The following NEGR1 variants were observed in gnomAD, a reference collection of about 807,000 sequenced individuals.
NEGR1 encodes the protein neuronal growth regulator 1.
In NEGR1, 10 loss-of-function variants were observed where a neutral mutation model predicts 40.9. The observed-to-expected ratio is 0.24, with a 90% CI of 0.15 to 0.42. The LOEUF is 0.42. Among genes scored for constraint, NEGR1 ranks in the 10% least tolerant of loss-of-function variants. The pLI is 1.00. For synonymous variants in NEGR1, 185 were observed against 166.8 expected (o/e 1.11, Z -0.84); for missense variants, 352 against 438.9 (o/e 0.80, Z 1.77).
At chr1:71,883,287 C>A (rs1239927164) in intron 2 of NEGR1, among the ~76,000 whole-genome samples, 2 of 152,008 alleles carry the variant, frequency 1.3e-5, no homozygotes, top group Non-Finnish European at 2.9e-5. Context: ...AATAAAATGA[C>A]TTCAATAATT....
chr1:71,541,448 A>T (rs2101457564), intron 6 of NEGR1, among the ~76,000 whole-genome samples: 1 of 151,906 alleles, frequency 6.6e-6, no homozygotes. Context: ...AGGGTGGAAG[A>T]CAGATATCCC....
chr1:71,858,118 T>C (rs191069345), intron 2 of NEGR1, among the ~76,000 whole-genome samples: 58 of 152,232 alleles, frequency 3.8e-4, no homozygotes, highest in Non-Finnish European at 7.6e-4. Flanking sequence ...TTATCATCAC[T>C]GGTCACTCTC....
At chr1:71,701,162 G>A (rs1653678669) in intron 3 of NEGR1, among the ~76,000 whole-genome samples, 1 of 152,034 alleles carries the variant, frequency 6.6e-6, no homozygotes, top group South Asian at 2.1e-4. Flanking sequence ...TAGCCACTAA[G>A]TTTGTGGTAA....
chr1:71,480,159 A>G (rs969765782), intron 6 of NEGR1, among the ~76,000 whole-genome samples: 1 of 151,952 alleles, frequency 6.6e-6, no homozygotes, highest in Non-Finnish European at 1.5e-5. Context: ...AATAGCCAAT[A>G]TCTACTGAAT....
intron 6 of NEGR1, among the ~76,000 whole-genome samples, chr1:71,588,934 C>A (rs1383029552): frequency 6.6e-6 from 1 of 152,088 alleles, no homozygotes; most frequent in Admixed American, 6.6e-5. Context: ...CTAATCAGAC[C>A]AGCAGCTAGA....
At chr1:71,735,958 C>A (rs796931860) in intron 3 of NEGR1, among the ~76,000 whole-genome samples, 1 of 151,792 alleles carries the variant, frequency 6.6e-6, no homozygotes, top group African/African-American at 2.4e-5. Context: ...AAGTCCTTAC[C>A]TTTTATTGAA....
At chr1:71,411,670 C>T (rs1203377352) in intron 6 of NEGR1, among the ~76,000 whole-genome samples, 1 of 152,094 alleles carries the variant, frequency 6.6e-6, no homozygotes, top group African/African-American at 2.4e-5. Context: ...CTTGGCTACT[C>T]AGTAGACAAT....
chr1:71,659,692 A>C (rs1651992841), intron 4 of NEGR1, among the ~76,000 whole-genome samples: 1 of 152,236 alleles, frequency 6.6e-6, no homozygotes, highest in Non-Finnish European at 1.5e-5. Flanking sequence ...TCTTGAAAGA[A>C]GACATGCATG....
chr1:72,012,659 C>CT (rs1250658614), intron 1 of NEGR1, among the ~76,000 whole-genome samples: 1 of 151,738 alleles, frequency 6.6e-6, no homozygotes, highest in Non-Finnish European at 1.5e-5. Context: ...GCCAGACCCT[C>CT]TTTTTTTTCT....
intron 6 of NEGR1, among the ~76,000 whole-genome samples, chr1:71,588,321 T>C (rs1649376087): frequency 6.6e-6 from 1 of 152,174 alleles, no homozygotes; most frequent in Non-Finnish European, 1.5e-5. Flanking sequence ...TTGCTATGAA[T>C]AGTTGGCATA....
intron 6 of NEGR1, among the ~76,000 whole-genome samples, chr1:71,560,022 G>C (rs1648394214): frequency 6.6e-6 from 1 of 151,224 alleles, no homozygotes; most frequent in Non-Finnish European, 1.5e-5. Flanking sequence ...ATCTTCACTT[G>C]AAGTCTAGTG....
At chr1:71,973,218 A>T (rs1420317969) in intron 1 of NEGR1, among the ~76,000 whole-genome samples, 1 of 151,530 alleles carries the variant, frequency 6.6e-6, no homozygotes. Flanking sequence ...CTGGAAGCTG[A>T]GGCAGGAGAA....
chr1:72,095,991 G>A (rs1335014860), intron 1 of NEGR1, among the ~76,000 whole-genome samples: 1 of 151,424 alleles, frequency 6.6e-6, no homozygotes, highest in African/African-American at 2.4e-5. Context: ...TTTAAGCTTT[G>A]ATCCAAAGGG....
At chr1:71,554,810 C>T (rs1321251606) in intron 6 of NEGR1, among the ~76,000 whole-genome samples, 9 of 151,300 alleles carry the variant, frequency 5.9e-5, no homozygotes, top group Non-Finnish European at 3.0e-5. Flanking sequence ...TGCTGGAATC[C>T]GAGGTGCCTT....
rs114453665 is a variant in NEGR1, at chr1:71,509,977, T to C, written c.940+82840A>G. Among the ~76,000 whole-genome samples, 1,218 of 152,306 alleles carry C rather than the reference T, an allele frequency of 8.0e-3. 18 individuals carry two copies. Among genetic ancestry groups the C allele is most frequent in the African/African-American group, 0.028 (1,163 of 41,568 alleles). ...ATGTTGGGTGGGAAATGTTGCACTTTCATTCTCAACAATACTGCCCCAGAT... is the reference window on the plus strand; with the variant it reads ...ATGTTGGGTGGGAAATGTTGCACTTCCATTCTCAACAATACTGCCCCAGAT... On this transcript the variant is annotated intron_variant, in intron 6 of 6. Transcript: ENST00000357731.
At chr1:72,234,350 G>A (rs1654479865) in intron 1 of NEGR1, among the ~76,000 whole-genome samples, 1 of 151,966 alleles carries the variant, frequency 6.6e-6, no homozygotes, top group Admixed American at 6.6e-5. Context: ...ATTCCATTCT[G>A]GACACGTGAA....
chr1:71,636,597 G>A (rs1651159800), intron 4 of NEGR1, among the ~76,000 whole-genome samples: 1 of 152,024 alleles, frequency 6.6e-6, no homozygotes, highest in Non-Finnish European at 1.5e-5. Flanking sequence ...ATTCTATCAG[G>A]TGCTCATGAT....
chr1:71,566,436 A>G (rs1239593731), intron 6 of NEGR1, among the ~76,000 whole-genome samples: 4 of 151,956 alleles, frequency 2.6e-5, no homozygotes, highest in Non-Finnish European at 5.9e-5. Flanking sequence ...TGTTTATTTA[A>G]TGTTATTCTC....
At position 71,649,385 on chromosome 1, in the gene NEGR1, G is replaced by C. The variant is rs138337734; in HGVS notation, c.668-38239C>G. Among the ~76,000 whole-genome samples, 340 of 152,178 alleles carry C rather than the reference G, an allele frequency of 2.2e-3. 2 individuals are homozygous for C. Among genetic ancestry groups the C allele is most frequent in the African/African-American group, 7.8e-3 (323 of 41,540 alleles). On this transcript the variant is annotated intron_variant, in intron 4 of 6. Transcript: ENST00000357731. ...AGGACATAAACAAAGATGTACATAA[G>C]AGCAAAGTACATGGATTATCATCAC...
Sources: gnomAD v4.1 joint callset for allele counts (sites outside exome capture counted in the v4.1 genomes callset) on GRCh38, gnomAD v4.1.1 for gene constraint, MANE v1.5 for transcripts, NCBI Gene and HGNC (gene_info 2026-07-23, HGNC 2026-07-21) for gene names.